GALNT13: variants seen among roughly 807,000 people sequenced by gnomAD.
GALNT13 encodes the protein polypeptide N-acetylgalactosaminyltransferase 13, also known as UDP-GalNAc:polypeptide N-acetylgalactosaminyltransferase 13.
In GALNT13, 28 loss-of-function variants were observed where a neutral mutation model predicts 64.2. That is an observed-to-expected ratio of 0.44 (90% CI 0.32 to 0.60). The LOEUF is 0.60. GALNT13 is among the 20% of genes least tolerant of loss of function. The pLI is 0.05. For synonymous variants in GALNT13, 214 were observed against 224.6 expected (o/e 0.95, Z 0.42); for missense variants, 577 against 669.8 (o/e 0.86, Z 1.53).
the GALNT13 span, among the ~76,000 whole-genome samples, chr2:153,278,809 T>A: frequency 1.3e-5 from 2 of 152,110 alleles, no homozygotes; most frequent in African/African-American, 4.8e-5. Flanking sequence ...GCTTTGTTCT[T>A]TTTGCTTAGG....
chr2:153,272,411 C>T, the GALNT13 span, among the ~76,000 whole-genome samples: 1 of 44,324 alleles, frequency 2.3e-5, no homozygotes, highest in African/African-American at 1.6e-4. Flanking sequence ...AACAAATTTA[C>T]AAGAAAAAAA....
chr2:153,725,991 CTTT>C, the GALNT13 span, among the ~76,000 whole-genome samples: 9 of 151,968 alleles, frequency 5.9e-5, no homozygotes, highest in African/African-American at 2.2e-4. Context: ...GCTCTTTCTT[CTTT>C]AACAACAATA....
At chr2:154,062,504 G>A (rs1700239571) in intron 3 of GALNT13, among the ~76,000 whole-genome samples, 1 of 152,134 alleles carries the variant, frequency 6.6e-6, no homozygotes, top group African/African-American at 2.4e-5. Flanking sequence ...GCATGGCTGG[G>A]AGGCCTCTAG....
chr2:154,121,514 C>T (rs1417926264), intron 3 of GALNT13, among the ~76,000 whole-genome samples: 4 of 152,068 alleles, frequency 2.6e-5, no homozygotes, highest in African/African-American at 9.7e-5. Context: ...TGTAGTCTAA[C>T]ATATATAGAT....
the GALNT13 span, among the ~76,000 whole-genome samples, chr2:153,332,767 C>T: frequency 6.6e-6 from 1 of 152,132 alleles, no homozygotes. Flanking sequence ...AGTGGGGCAC[C>T]TCAGGCTGCT....
At chr2:153,576,738 T>C in the GALNT13 span, among the ~76,000 whole-genome samples, 3 of 152,176 alleles carry the variant, frequency 2.0e-5, no homozygotes, top group Non-Finnish European at 4.4e-5. Context: ...GATTTTTAGT[T>C]CTCATGAAGA....
At chr2:154,076,403 T>C (rs544982066) in intron 3 of GALNT13, among the ~76,000 whole-genome samples, 5 of 151,668 alleles carry the variant, frequency 3.3e-5, no homozygotes, top group Non-Finnish European at 7.4e-5. Flanking sequence ...GTGGCAAATA[T>C]TTGAGAACAA....
intron 3 of GALNT13, among the ~76,000 whole-genome samples, chr2:154,114,725 G>GTT (rs1435749237): frequency 6.6e-6 from 1 of 152,096 alleles, no homozygotes; most frequent in East Asian, 1.9e-4. Context: ...TGACCTAGAA[G>GTT]TTTTCTGCTT....
the GALNT13 span, among the ~76,000 whole-genome samples, chr2:153,738,021 A>G: frequency 1.3e-5 from 2 of 151,780 alleles, no homozygotes; most frequent in African/African-American, 4.8e-5. Context: ...TAACCTTTCT[A>G]TCTCTCTTGC....
chr2:153,918,932 G>T (rs973304866), intron 2 of GALNT13, among the ~76,000 whole-genome samples: 1 of 152,024 alleles, frequency 6.6e-6, no homozygotes, highest in African/African-American at 2.4e-5. Context: ...TCAACACACT[G>T]AGGCTTTCCT....
the GALNT13 span, among the ~76,000 whole-genome samples, chr2:153,223,526 T>G: frequency 6.6e-6 from 1 of 152,146 alleles, no homozygotes; most frequent in Non-Finnish European, 1.5e-5. Flanking sequence ...ATGAACATTT[T>G]TAAAAAACTG....
chr2:153,695,418 G>C, the GALNT13 span, among the ~76,000 whole-genome samples: 2 of 152,162 alleles, frequency 1.3e-5, no homozygotes, highest in Non-Finnish European at 2.9e-5. Flanking sequence ...TTTTAGGTCT[G>C]ATAGATTACC....
At chr2:153,827,424 C>A in the GALNT13 span, among the ~76,000 whole-genome samples, 2 of 152,186 alleles carry the variant, frequency 1.3e-5, no homozygotes, top group East Asian at 3.9e-4. Context: ...GAGATCGAGA[C>A]CATCCTGGCT....
the GALNT13 span, among the ~76,000 whole-genome samples, chr2:153,313,566 G>T: frequency 2.0e-5 from 3 of 152,068 alleles, no homozygotes; most frequent in Non-Finnish European, 2.9e-5. Context: ...GGTGGGAGAA[G>T]GGAGAGGATC....
intron 2 of GALNT13, among the ~76,000 whole-genome samples, chr2:153,921,126 A>G (rs1689727626): frequency 6.6e-6 from 1 of 152,182 alleles, no homozygotes; most frequent in Non-Finnish European, 1.5e-5. Context: ...ATGTTTGAGT[A>G]TATATCCAAA....
chr2:154,294,685 T>G (rs951091908), intron 8 of GALNT13, among the ~76,000 whole-genome samples: 16 of 152,198 alleles, frequency 1.1e-4, no homozygotes, highest in Non-Finnish European at 2.2e-4. Flanking sequence ...CATAACTCAA[T>G]GACACTTTTA....
the GALNT13 span, among the ~76,000 whole-genome samples, chr2:153,202,593 G>A: frequency 2.0e-4 from 30 of 152,126 alleles, no homozygotes; most frequent in Non-Finnish European, 3.8e-4. Flanking sequence ...TGTGTGTTGA[G>A]AATGAGGGCA....
At chr2:153,273,952 T>C in the GALNT13 span, among the ~76,000 whole-genome samples, 1 of 152,210 alleles carries the variant, frequency 6.6e-6, no homozygotes, top group Non-Finnish European at 1.5e-5. Context: ...TTTTTGATTG[T>C]TTATCATGGC....
At chr2:153,176,291 A>G in the GALNT13 span, among the ~76,000 whole-genome samples, 1 of 152,210 alleles carries the variant, frequency 6.6e-6, no homozygotes, top group Non-Finnish European at 1.5e-5. Context: ...CTGGGGGGAT[A>G]TGCTGTGAGG....
Sources: allele counts gnomAD v4.1 joint callset (sites outside exome capture counted in the v4.1 genomes callset), GRCh38; gene constraint gnomAD v4.1.1; transcripts MANE v1.5; gene names NCBI Gene and HGNC (gene_info 2026-07-23, HGNC 2026-07-21).